Variants in SDK1 observed in about 807,000 individuals in gnomAD.
SDK1 encodes sidekick cell adhesion molecule 1, also known as protein sidekick-1.
Under a neutral mutation model 245.5 loss-of-function variants are expected in SDK1, and 157 were observed. That is an observed-to-expected ratio of 0.64 (90% confidence interval 0.56 to 0.73). SDK1 has a LOEUF of 0.73. SDK1 is among the 30% of genes least tolerant of loss of function. The pLI, the probability that SDK1 is intolerant of heterozygous loss-of-function variation, is 0.00. For synonymous variants in SDK1, 1,647 were observed against 1,278.5 expected (o/e 1.29, Z -6.15); for missense variants, 3,583 against 3,002.3 (o/e 1.19, Z -4.52).
At chr7:3,413,676 A>G (rs1112281) in intron 1 of SDK1, among the ~76,000 whole-genome samples, 115,648 of 151,984 alleles carry the variant, frequency 0.76, 44,296 homozygotes, top group South Asian at 0.85. Flanking sequence ...AACAGAGCGA[A>G]ACTTCATCTC....
chr7:3,349,825 A>T (rs1427898650), intron 1 of SDK1, among the ~76,000 whole-genome samples: 1 of 151,940 alleles, frequency 6.6e-6, no homozygotes, highest in Non-Finnish European at 1.5e-5. Context: ...GATGGTCTCG[A>T]TCTCCTGACC....
chr7:3,533,241 A>G (rs1783409363), intron 1 of SDK1, among the ~76,000 whole-genome samples: 2 of 152,134 alleles, frequency 1.3e-5, no homozygotes, highest in Non-Finnish European at 1.5e-5. Context: ...TTAGAATCCT[A>G]TTTCCAACAT....
chr7:3,891,325 A>G (rs1781453313), intron 5 of SDK1, among the ~76,000 whole-genome samples: 1 of 152,124 alleles, frequency 6.6e-6, no homozygotes, highest in South Asian at 2.1e-4. Context: ...GCCCTCTGCC[A>G]GGTGCACTCT....
chr7:3,339,615 C>A (rs1295701057), intron 1 of SDK1, among the ~76,000 whole-genome samples: 3 of 151,534 alleles, frequency 2.0e-5, no homozygotes, highest in African/African-American at 7.3e-5. Flanking sequence ...GTAAAGGCAA[C>A]AGGAAAATTT....
At chr7:4,102,602 A>G (rs568433075) in intron 22 of SDK1, among the ~76,000 whole-genome samples, 10 of 152,246 alleles carry the variant, frequency 6.6e-5, no homozygotes, top group East Asian at 1.9e-4. Flanking sequence ...CTGAGCAGCC[A>G]TTGACCCTGG....
chr7:3,934,894 G>A (rs1003219042), intron 5 of SDK1, among the ~76,000 whole-genome samples: 14 of 152,212 alleles, frequency 9.2e-5, no homozygotes, highest in African/African-American at 2.9e-4. Flanking sequence ...ATTCATCAGT[G>A]TGGTGAGCAG....
At chr7:4,148,356 C>G (rs1196593827) in intron 29 of SDK1, among the ~76,000 whole-genome samples, 1 of 152,242 alleles carries the variant, frequency 6.6e-6, no homozygotes, top group Non-Finnish European at 1.5e-5. Context: ...CGGAACTTCT[C>G]TGCTGAAATC....
intron 14 of SDK1, among the ~76,000 whole-genome samples, chr7:4,001,576 G>A (rs1483920816): frequency 2.0e-5 from 3 of 152,202 alleles, no homozygotes; most frequent in Admixed American, 2.0e-4. Flanking sequence ...ATTTCTAAAT[G>A]TCTCAGCTCT....
At chr7:4,141,015 G>T (rs1178052434) in intron 28 of SDK1, among the ~76,000 whole-genome samples, 1 of 152,202 alleles carries the variant, frequency 6.6e-6, no homozygotes, top group African/African-American at 2.4e-5. Context: ...TTGCCTGAGG[G>T]CTGGGTCAGG....
intron 1 of SDK1, among the ~76,000 whole-genome samples, chr7:3,609,680 G>A (rs989270352): frequency 1.1e-4 from 16 of 146,586 alleles, no homozygotes; most frequent in Non-Finnish European, 2.1e-4. Flanking sequence ...GATTATAGGC[G>A]TAAGCTACGG....
intron 43 of SDK1, among the ~76,000 whole-genome samples, chr7:4,243,799 A>C (rs2128238801): frequency 6.6e-6 from 1 of 152,222 alleles, no homozygotes; most frequent in East Asian, 1.9e-4. Flanking sequence ...GATTGAAGGA[A>C]AGGATTCTCT....
intron 4 of SDK1, among the ~76,000 whole-genome samples, chr7:3,666,051 A>C (rs1431815592): frequency 6.6e-6 from 1 of 152,182 alleles, no homozygotes; most frequent in East Asian, 1.9e-4. Flanking sequence ...AATTCTGCTT[A>C]GATTCCTGCA....
intron 1 of SDK1, among the ~76,000 whole-genome samples, chr7:3,496,452 T>A (rs377591632): frequency 2.0e-5 from 3 of 151,956 alleles, no homozygotes; most frequent in African/African-American, 7.3e-5. Flanking sequence ...CACGCTGTGT[T>A]TTTAACTTTT....
intron 38 of SDK1, among the ~76,000 whole-genome samples, chr7:4,212,273 C>T (rs1435844771): frequency 6.6e-6 from 1 of 152,128 alleles, no homozygotes; most frequent in African/African-American, 2.4e-5. Context: ...TTCACTGAAT[C>T]TCAGATGCCA....
chr7:3,687,899 G>A (rs1427206614), intron 4 of SDK1, among the ~76,000 whole-genome samples: 2 of 152,194 alleles, frequency 1.3e-5, no homozygotes, highest in East Asian at 1.9e-4. Context: ...CAGGATTGCT[G>A]TATTTTTCTT....
chr7:4,232,397 C>CTTTTT (rs1785838734), intron 40 of SDK1, among the ~76,000 whole-genome samples: 33 of 73,874 alleles, frequency 4.5e-4, no homozygotes, highest in Non-Finnish European at 5.4e-4. Context: ...TTTTTCTTTT[C>CTTTTT]TTTTCTTTTC....
At chr7:3,381,330 C>G (rs1479684311) in intron 1 of SDK1, among the ~76,000 whole-genome samples, 2 of 152,012 alleles carry the variant, frequency 1.3e-5, no homozygotes, top group Non-Finnish European at 2.9e-5. Context: ...GTGAAGTCCA[C>G]TAGGAACTGA....
At chr7:3,982,652 A>T (rs1377737280) in intron 13 of SDK1, among the ~76,000 whole-genome samples, 1 of 152,102 alleles carries the variant, frequency 6.6e-6, no homozygotes, top group Non-Finnish European at 1.5e-5. Context: ...CATCCTGGCT[A>T]ACATGGTGCA....
intron 20 of SDK1, among the ~76,000 whole-genome samples, chr7:4,074,858 C>CTT (rs1780527935): frequency 1.2e-5 from 1 of 81,096 alleles, no homozygotes; most frequent in Admixed American, 1.1e-4. Context: ...GCAAGACTTT[C>CTT]TCTCTCTCTC....
Sources: gnomAD v4.1 joint callset for allele counts (sites outside exome capture counted in the v4.1 genomes callset) on GRCh38, gnomAD v4.1.1 for gene constraint, MANE v1.5 for transcripts, NCBI Gene and HGNC (gene_info 2026-07-23, HGNC 2026-07-21) for gene names.